Variants in MEIG1 observed in about 807,000 individuals in gnomAD.
MEIG1 encodes the protein meiosis expressed gene 1 protein homolog.
In MEIG1, 12 loss-of-function variants were observed where a neutral mutation model predicts 11.3. The observed-to-expected ratio is 1.07, with a 90% CI of 0.68 to 1.73. The LOEUF (loss-of-function observed/expected upper bound fraction) is 1.73, where lower values mean the gene tolerates loss of function less well. Ranked by LOEUF, MEIG1 falls within the 40% of genes most tolerant of loss-of-function variation. The pLI is 0.00. For synonymous variants in MEIG1, 41 were observed against 33.2 expected (o/e 1.24, Z -0.81); for missense variants, 119 against 104.9 (o/e 1.13, Z -0.59).
At chr10:14,969,693 G>A (rs934351754) in intron 2 of MEIG1, among the ~76,000 whole-genome samples, 1 of 151,810 alleles carries the variant, frequency 6.6e-6, no homozygotes, top group African/African-American at 2.4e-5. Context: ...AAAATTAGCC[G>A]GGCATGGTGG....
chr10:14,969,359 G>A (rs1843123959), intron 2 of MEIG1, among the ~76,000 whole-genome samples: 1 of 151,052 alleles, frequency 6.6e-6, no homozygotes, highest in African/African-American at 2.4e-5. Flanking sequence ...CAGGTGGGAG[G>A]ATTGCTTGAG....
chr10:14,975,050 T>C (rs1364456178), downstream of MEIG1, among the ~76,000 whole-genome samples: 3 of 152,026 alleles, frequency 2.0e-5, no homozygotes, highest in Non-Finnish European at 4.4e-5. Flanking sequence ...CCCGGTGATA[T>C]TGATCCGAAT....
At chr10:14,984,389 G>T (rs1843297672) in intron 1 of MEIG1, among the ~76,000 whole-genome samples, 1 of 152,024 alleles carries the variant, frequency 6.6e-6, no homozygotes. Flanking sequence ...TACACCCTGC[G>T]ATATTATTCG....
chr10:14,960,411 TG>T (rs1842998758), intron 1 of MEIG1, among the ~76,000 whole-genome samples: 1 of 152,156 alleles, frequency 6.6e-6, no homozygotes, highest in Non-Finnish European at 1.5e-5. Flanking sequence ...TGGTGTTTTT[TG>T]TTTTTATTTT....
chr10:14,987,554 C>T (rs566297912), intron 2 of MEIG1: 1 of 615,468 alleles, frequency 1.6e-6, no homozygotes, highest in Non-Finnish European at 3.0e-6. Context: ...ACTTGCAGAC[C>T]ATACACCACC....
chr10:14,985,555 C>A (rs1007752856), intron 1 of MEIG1, among the ~76,000 whole-genome samples: 4 of 151,824 alleles, frequency 2.6e-5, no homozygotes, highest in Non-Finnish European at 5.9e-5. Context: ...TTCCTAATAT[C>A]CTAGGGGCAT....
chr10:14,978,433 C>A (rs1039836174), intron 1 of MEIG1, among the ~76,000 whole-genome samples: 1 of 151,672 alleles, frequency 6.6e-6, no homozygotes, highest in Non-Finnish European at 1.5e-5. Flanking sequence ...GGCGTGTGTT[C>A]CCCCCATGAT....
At chr10:14,975,113 G>A (rs1250999107), downstream of MEIG1, among the ~76,000 whole-genome samples, 9 of 152,020 alleles carry the variant, frequency 5.9e-5, no homozygotes, top group Non-Finnish European at 2.9e-5. Flanking sequence ...CACTGGGTGC[G>A]CATCCACCCG....
chr10:14,967,471 TCTTAA>T (rs993313999), intron 2 of MEIG1, among the ~76,000 whole-genome samples: 6 of 151,690 alleles, frequency 4.0e-5, no homozygotes, highest in African/African-American at 1.5e-4. Context: ...GTGTGGTTCT[TCTTAA>T]CTTATTTATT....
chr10:14,982,292 T>C (rs1351159756), intron 1 of MEIG1, among the ~76,000 whole-genome samples: 2 of 152,158 alleles, frequency 1.3e-5, no homozygotes, highest in African/African-American at 4.8e-5. Context: ...ATCCTCTCTT[T>C]CATGTGGGTC....
At chr10:14,965,675 TGAGAGAGAGAGAGAGAGAGA>T (rs749211535) in intron 1 of MEIG1, among the ~76,000 whole-genome samples, 3 of 101,156 alleles carry the variant, frequency 3.0e-5, no homozygotes, top group Non-Finnish European at 6.1e-5. Context: ...ATTCCCTTTT[TGAGAGAGAGAGAGAGAGAGA>T]GAGAGAGAGA....
upstream of MEIG1, among the ~76,000 whole-genome samples, chr10:14,956,535 T>C (rs185582810): frequency 2.0e-5 from 3 of 152,130 alleles, no homozygotes; most frequent in East Asian, 3.9e-4. Context: ...TGAGCCGAGA[T>C]TGGACCATGG....
chr10:14,976,097 C>G (rs547333186), downstream of MEIG1, among the ~76,000 whole-genome samples: 29 of 152,242 alleles, frequency 1.9e-4, no homozygotes, highest in East Asian at 9.6e-4. Context: ...CGTCCGCCCC[C>G]TTGCGACGGG....
intron 2 of MEIG1, among the ~76,000 whole-genome samples, chr10:14,967,104 G>C (rs182095878): frequency 2.6e-5 from 4 of 152,130 alleles, no homozygotes; most frequent in African/African-American, 9.6e-5. Flanking sequence ...AGAAGAGGTG[G>C]TCGTTTAGCT....
At chr10:14,977,469 G>A (rs574594129), downstream of MEIG1, among the ~76,000 whole-genome samples, 43 of 152,068 alleles carry the variant, frequency 2.8e-4, no homozygotes, top group African/African-American at 1.0e-3. Context: ...GTGTGATATT[G>A]TTCCCAATAT....
At chr10:14,971,297 A>C (rs1843147423) in intron 2 of MEIG1, among the ~76,000 whole-genome samples, 1 of 151,480 alleles carries the variant, frequency 6.6e-6, no homozygotes, top group South Asian at 2.1e-4. Flanking sequence ...TTGGGAAGCC[A>C]AGGTAGGAGG....
intron 1 of MEIG1, among the ~76,000 whole-genome samples, chr10:14,965,503 G>C (rs1010948224): frequency 1.8e-4 from 27 of 152,226 alleles, no homozygotes; most frequent in African/African-American, 6.3e-4. Context: ...TCTGTGTTAG[G>C]CCATTTTCTC....
At chr10:14,961,154 A>G (rs188708383) in intron 1 of MEIG1, among the ~76,000 whole-genome samples, 4 of 152,358 alleles carry the variant, frequency 2.6e-5, no homozygotes, top group Non-Finnish European at 5.9e-5. Flanking sequence ...AAACGTCCTC[A>G]GAACACTTAG....
chr10:14,966,922 G>A (rs551345404), intron 2 of MEIG1, among the ~76,000 whole-genome samples: 4 of 152,082 alleles, frequency 2.6e-5, no homozygotes, highest in African/African-American at 4.8e-5. Flanking sequence ...TTGTAGAGAC[G>A]GGATTTTGCC....
Sources: gnomAD v4.1 joint callset for allele counts (sites outside exome capture counted in the v4.1 genomes callset) on GRCh38, gnomAD v4.1.1 for gene constraint, MANE v1.5 for transcripts, NCBI Gene and HGNC (gene_info 2026-07-23, HGNC 2026-07-21) for gene names.